VPS39: variants seen among roughly 807,000 people sequenced by gnomAD.
VPS39 encodes VPS39 subunit of HOPS complex.
A neutral mutation model predicts 121.0 loss-of-function variants in VPS39; 70 were observed. The observed-to-expected ratio is 0.58, with a 90% confidence interval of 0.48 to 0.71. The LOEUF (loss-of-function observed/expected upper bound fraction) is 0.71, where lower values mean the gene tolerates loss of function less well. Among genes scored for constraint, VPS39 ranks in the 30% least tolerant of loss-of-function variants. VPS39 has a pLI of 0.00. For missense variants in VPS39, 818 were observed against 1,051.5 expected, an observed-to-expected ratio of 0.78 and a Z score of 3.07; for synonymous variants, 378 against 398.1, an observed-to-expected ratio of 0.95 and a Z score of 0.60.
At chr15:42,173,390 G>A (rs1160974964) in intron 11 of VPS39, among the ~76,000 whole-genome samples, 1 of 152,184 alleles carries the variant, frequency 6.6e-6, no homozygotes, top group African/African-American at 2.4e-5. Context: ...TTTAATCCAA[G>A]GACTTTGGTT....
chr15:42,203,013 CT>C (rs956697174), intron 1 of VPS39, among the ~76,000 whole-genome samples: 1,617 of 147,958 alleles, frequency 0.011, 34 homozygotes, highest in African/African-American at 0.038. Flanking sequence ...TTTTAATTTA[CT>C]TTTTTTTTTT....
intron 2 of VPS39, among the ~76,000 whole-genome samples, chr15:42,199,145 T>A (rs1011925310): frequency 4.6e-5 from 7 of 152,120 alleles, no homozygotes; most frequent in African/African-American, 1.4e-4. Context: ...GTAGAGTGGC[T>A]CCAGGGCATA....
At position 42,165,005 on chromosome 15, in the gene VPS39, A is replaced by G; in HGVS notation, c.1888T>C (p.Phe630Leu). Reference sequence around the variant, plus strand: ...CTAAAAGAACTGGTACCTGCAGGGAAGGACAGGAGATACTCCTTCATCAGA... The same window carrying G: ...CTAAAAGAACTGGTACCTGCAGGGAGGGACAGGAGATACTCCTTCATCAGA... ...QGLMKEYLLS[F>L]PAGKTPVPAG... Residue 630 changes from phenylalanine to leucine, a missense_variant, in exon 18 of 25, where the codon TTC (phenylalanine) becomes CTC (leucine). By Grantham distance (22) the Phe-to-Leu change is conservative. Transcript: ENST00000318006. 6.2e-7 allele frequency: 1 copy of G among 1,614,194 alleles called. No individual in the cohort carries two copies. The highest frequency in any genetic ancestry group is 8.5e-7 in the Non-Finnish European group (1 of 1,180,038).
chr15:42,201,566 T>C lies in VPS39; in HGVS notation c.74-1605A>G, dbSNP rs184766515. On this transcript the variant is annotated intron_variant, in intron 1 of 24. Transcript: ENST00000318006. Reference sequence around the variant, plus strand: ...GAGAGTTTGTTAAAATACAGAATGCTAGGCTCTACCCCGGAGCATCTGATT... The same window carrying C: ...GAGAGTTTGTTAAAATACAGAATGCCAGGCTCTACCCCGGAGCATCTGATT... Among the ~76,000 whole-genome samples, 6 of 152,312 alleles carry C rather than the reference T, an allele frequency of 3.9e-5. No individual in the cohort carries two copies. In the East Asian group the frequency reaches 1.2e-3, roughly 29 times the overall value.
At chr15:42,204,461 C>A (rs1486624154) in intron 1 of VPS39, among the ~76,000 whole-genome samples, 1 of 152,070 alleles carries the variant, frequency 6.6e-6, no homozygotes, top group Non-Finnish European at 1.5e-5. Flanking sequence ...ACCAGCCTGG[C>A]CAACATGACG....
chr15:42,180,770 G>A lies in VPS39; in HGVS notation c.719-2200C>T, dbSNP rs537714096. 2.6e-5 allele frequency among the ~76,000 whole-genome samples: 4 copies of A among 152,210 alleles called. No homozygotes were observed. In the South Asian group the frequency reaches 8.3e-4, roughly 32 times the overall value. On this transcript the variant is annotated intron_variant, in intron 8 of 24. Coordinates refer to ENST00000318006, the MANE Select transcript of VPS39 (RefSeq NM_015289.5). The stretch of plus-strand genomic sequence containing the variant: ...TAGAGATAATAGAAATATTTTCTAT[G>A]ACTATATTCTGTGCTATATCAAGAA...
intron 11 of VPS39, among the ~76,000 whole-genome samples, chr15:42,170,300 T>C (rs993130980): frequency 1.6e-4 from 24 of 152,282 alleles, no homozygotes; most frequent in African/African-American, 5.5e-4. Flanking sequence ...GGCTAATTTG[T>C]TGATTACAAG....
rs776985158 is a variant in VPS39 at position 42,189,153 on chromosome 15, T to C, written c.303A>G (p.Ser101=). Residue 101 remains serine (S), a synonymous_variant, in exon 5 of 25, where the codon TCA becomes TCG. Coordinates refer to ENST00000318006, the MANE Select transcript of VPS39 (RefSeq NM_015289.5). ...LLTFQQITTV[S]KAKGASLFTC... is the part of the protein sequence containing the mutation. ...TAAACAGTGATGCTCCCTTTGCCTTTGAAACCGTAGTGATTTGTTGAAATG... is the reference window on the plus strand; with the variant it reads ...TAAACAGTGATGCTCCCTTTGCCTTCGAAACCGTAGTGATTTGTTGAAATG... 1.2e-6 allele frequency: 2 copies of C among 1,614,002 alleles called. No individual in the cohort carries two copies. The highest frequency in any genetic ancestry group is 2.2e-5 in the South Asian group (2 of 91,076).
rs781233777 is a variant in VPS39, at chr15:42,164,468, G to T, written c.1916C>A (p.Ala639Asp). The change falls in exon 19 of 25, where the codon GCT becomes GAT. Residue 639 changes from alanine (A) to aspartate (D), a missense_variant. Ala to Asp is a moderately radical substitution (Grantham distance 126). Transcript: ENST00000318006. The part of the protein sequence containing the change: ...SFPAGKTPVP[A>D]GEEEGELGEY... ...TCCCAGCTCACCCTCTTCCTCTCCA[G>T]CTGGGACTGGGGTTTTGCCTTTAAG... is the stretch of plus-strand genomic sequence containing the variant. 5.6e-6 allele frequency: 9 copies of T among 1,614,090 alleles called. No homozygotes were observed. In the East Asian group the frequency reaches 2.0e-4, roughly 36 times the overall value.
chr15:42,166,970 C>T, intron 13 of VPS39, 57 bp from the exon 14 acceptor site: 1 of 1,608,538 alleles, frequency 6.2e-7, no homozygotes, highest in Non-Finnish European at 8.5e-7. Context: ...CCACCCTTCC[C>T]TGGCCCAGGC....
chr15:42,169,765 A>G lies in VPS39; in HGVS notation c.1192T>C (p.Leu398=), dbSNP rs767483722. Residue 398 remains leucine (L), a synonymous_variant, in exon 12 of 25, where the codon TTG becomes CTG. Transcript: ENST00000318006. ...ATCAGAGCTAAGTGAGCCTTCTCCA[A>G]TTCAGCCCCGGAGAGCACAGGCAAT... ...NPLPVLSGAE[L]EKAHLALIDY... is the part of the protein sequence containing the mutation. 2.5e-6 allele frequency: 4 copies of G among 1,614,110 alleles called. No homozygotes were observed. The South Asian group carries it at 3.3e-5, about 13-fold the overall frequency.
Position 42,204,033 on chromosome 15 carries a change from G to A in VPS39, c.73+4048C>T, listed in dbSNP as rs2140894679. ...CACAAGGTTGGACTTAATTCCTCCT[G>A]AGAAGGAGGGCTAGGCCCTATTGCT... is the stretch of plus-strand genomic sequence containing the variant. On this transcript the variant is annotated intron_variant, in intron 1 of 24. Coordinates refer to ENST00000318006, the MANE Select transcript of VPS39 (RefSeq NM_015289.5). Among the ~76,000 whole-genome samples, 2 of 152,356 alleles carry A rather than the reference G, an allele frequency of 1.3e-5. 1 individual carries two copies. Among genetic ancestry groups the A allele is most frequent in the South Asian group, 4.1e-4 (2 of 4,824 alleles).
At chr15:42,199,471 C>T (rs531016523) in intron 2 of VPS39, 3 of 383,026 alleles carry the variant, frequency 7.8e-6, no homozygotes, top group South Asian at 3.8e-5. Flanking sequence ...GTCCTCTCTT[C>T]TTGTTCTACC....
rs373478959 is a variant in VPS39, at chr15:42,191,588, T to A, written c.140-28A>T. On this transcript the variant is annotated intron_variant, in intron 2 of 24. Coordinates refer to ENST00000318006, the MANE Select transcript of VPS39 (RefSeq NM_015289.5). Reference sequence around the variant, plus strand: ...ATGGAAAACAAATAAACACTGGTAGTTCCAAATACAGGGATACATAGAAAA... The same window carrying A: ...ATGGAAAACAAATAAACACTGGTAGATCCAAATACAGGGATACATAGAAAA... 15 of 1,599,676 alleles carry A rather than the reference T, an allele frequency of 9.4e-6. No individual in the cohort carries two copies. In the African/African-American group the frequency reaches 1.9e-4, roughly 20 times the overall value.
At chr15:42,165,417 T>TTG (rs2049222600) in intron 17 of VPS39, 1 of 506,904 alleles carries the variant, frequency 2.0e-6, no homozygotes, top group African/African-American at 1.9e-5. Context: ...TACTTAAGCC[T>TTG]ATTTGATTGT....
intron 2 of VPS39, chr15:42,192,027 A>G: frequency 2.0e-6 from 3 of 1,535,146 alleles, no homozygotes; most frequent in Non-Finnish European, 2.6e-6. Flanking sequence ...ACTCAAACCC[A>G]TCTCCAGAGC....
At chr15:42,191,253 A>G in intron 3 of VPS39, 86 bp from the exon 4 acceptor site, 1 of 1,487,324 alleles carries the variant, frequency 6.7e-7, no homozygotes, top group Non-Finnish European at 9.3e-7. Context: ...ATAAAAAGGG[A>G]CCACGGAGCC....
In VPS39 at chr15:42,193,992, G is replaced by A. The variant is rs143839353; in HGVS notation, c.140-2432C>T. On this transcript the variant is annotated intron_variant, in intron 2 of 24. Transcript: ENST00000318006. The stretch of plus-strand genomic sequence containing the variant: ...AATCACATAAGCATTTTTCCCTTGA[G>A]ACAGCTATCGGACTTCACACCCTAG... Among the ~76,000 whole-genome samples the A allele has an allele frequency of 2.8e-3, 430 of 152,156 alleles. 3 individuals carry two copies. Among genetic ancestry groups the A allele is most frequent in the African/African-American group, 8.9e-3 (371 of 41,518 alleles).
chr15:42,208,202 G>T lies in VPS39; in HGVS notation c.-49C>A, dbSNP rs1221491061. On this transcript the variant is annotated 5_prime_UTR_variant, in exon 1 of 25. Coordinates refer to ENST00000318006, the MANE Select transcript of VPS39 (RefSeq NM_015289.5). ...CGCCGTCTCGCCCAGAGTGTTCCGG[G>T]CCGGGCTGGGGTCCGGAACGAGTCT... The T allele has an allele frequency of 4.4e-5, 69 of 1,551,706 alleles. No homozygotes were observed. The highest frequency in any genetic ancestry group is 5.5e-5 in the African/African-American group (4 of 73,106).
Sources: allele counts gnomAD v4.1 joint callset (sites outside exome capture counted in the v4.1 genomes callset), GRCh38; gene constraint gnomAD v4.1.1; transcripts MANE v1.5; gene names NCBI Gene and HGNC (gene_info 2026-07-23, HGNC 2026-07-21).